DTWD2: variants seen among roughly 807,000 people sequenced by gnomAD.
The protein encoded by DTWD2 is tRNA-uridine aminocarboxypropyltransferase 2.
Under a neutral mutation model 31.8 loss-of-function variants are expected in DTWD2, and 39 were observed. The observed-to-expected ratio is 1.22, with a 90% CI of 0.95 to 1.60. DTWD2 has a LOEUF of 1.60. Ranked by LOEUF, DTWD2 falls within the 40% of genes most tolerant of loss-of-function variation. The pLI is 0.00. For synonymous variants in DTWD2, 180 were observed against 142.8 expected (o/e 1.26, Z -1.86); for missense variants, 515 against 381.5 (o/e 1.35, Z -2.92).
Position 118,944,605 on chromosome 5 carries a change from G to A in DTWD2, c.263C>T (p.Pro88Leu), listed in dbSNP as rs772599283. 13 of 1,613,612 alleles carry A rather than the reference G, an allele frequency of 8.1e-6. 1 individual carries two copies. In the South Asian group the frequency reaches 1.4e-4, roughly 18 times the overall value. ...VCLCPFLPAHPLHISTHLYII... is the reference protein window; with the variant it reads ...VCLCPFLPAHLLHISTHLYII... ...GTACAAGTGGGTAGAGATATGCAGA[G>A]GGTGCGCTGGGAGAAATGGACACAA... is the stretch of plus-strand genomic sequence containing the variant. Residue 88 changes from proline (P) to leucine (L), a missense_variant, in exon 2 of 6, where the codon CCT (proline) becomes CTT (leucine). Pro to Leu is a moderately conservative substitution (Grantham distance 98). Coordinates refer to ENST00000510708, the MANE Select transcript of DTWD2 (RefSeq NM_173666.4).
intron 4 of DTWD2, among the ~76,000 whole-genome samples, chr5:118,892,454 G>A (rs1752995195): frequency 6.6e-6 from 1 of 151,910 alleles, no homozygotes; most frequent in Non-Finnish European, 1.5e-5. Context: ...ACCATAATGA[G>A]GTATGACAGA....
At chr5:118,850,212 C>T (rs1409911734) in intron 4 of DTWD2, among the ~76,000 whole-genome samples, 1 of 150,410 alleles carries the variant, frequency 6.6e-6, no homozygotes, top group Non-Finnish European at 1.5e-5. Flanking sequence ...ACCTGTAATC[C>T]CAGCACTTTG....
chr5:118,922,883 C>T (rs1456759296), intron 4 of DTWD2, among the ~76,000 whole-genome samples: 1 of 152,182 alleles, frequency 6.6e-6, no homozygotes, highest in Admixed American at 6.5e-5. Context: ...CAGGATTCTA[C>T]TCTGGGAAAG....
At chr5:118,912,585 T>C (rs1753480909) in intron 4 of DTWD2, among the ~76,000 whole-genome samples, 1 of 152,204 alleles carries the variant, frequency 6.6e-6, no homozygotes, top group Non-Finnish European at 1.5e-5. Flanking sequence ...TGGAATGTTT[T>C]CCTCAATTTT....
At chr5:118,985,039 T>G (rs963573064) in intron 1 of DTWD2, among the ~76,000 whole-genome samples, 1 of 152,154 alleles carries the variant, frequency 6.6e-6, no homozygotes, top group Non-Finnish European at 1.5e-5. Flanking sequence ...CTTGTTGGGT[T>G]ATAGAGCATT....
At chr5:118,940,888 G>A (rs746228219) in intron 2 of DTWD2, among the ~76,000 whole-genome samples, 1 of 152,144 alleles carries the variant, frequency 6.6e-6, no homozygotes, top group Non-Finnish European at 1.5e-5. Context: ...AACAGTGTTT[G>A]CATCTTCACG....
chr5:118,852,904 T>G (rs189019685), intron 4 of DTWD2, among the ~76,000 whole-genome samples: 30 of 152,224 alleles, frequency 2.0e-4, no homozygotes, highest in African/African-American at 6.7e-4. Flanking sequence ...TGAAATCATG[T>G]CCTTTGCAGC....
At chr5:118,918,431 G>T (rs1388443254) in intron 4 of DTWD2, among the ~76,000 whole-genome samples, 1 of 148,388 alleles carries the variant, frequency 6.7e-6, no homozygotes, top group Non-Finnish European at 1.5e-5. Flanking sequence ...GTGAACACTA[G>T]AGTGAGTGAC....
At chr5:118,843,966 A>C (rs141251829) in intron 5 of DTWD2, among the ~76,000 whole-genome samples, 5 of 152,346 alleles carry the variant, frequency 3.3e-5, no homozygotes, top group African/African-American at 1.2e-4. Context: ...AGAAGCATTA[A>C]AAGTGGTATA....
intron 4 of DTWD2, among the ~76,000 whole-genome samples, chr5:118,925,995 C>T (rs776543339): frequency 2.0e-5 from 3 of 151,882 alleles, no homozygotes; most frequent in Non-Finnish European, 4.4e-5. Flanking sequence ...TTTGGGAAGC[C>T]GAGGTAGGGA....
At chr5:118,892,035 T>A (rs2149560661) in intron 4 of DTWD2, among the ~76,000 whole-genome samples, 1 of 152,314 alleles carries the variant, frequency 6.6e-6, no homozygotes, top group East Asian at 1.9e-4. Context: ...TAATATTTTA[T>A]TTAACCTAAC....
intron 3 of DTWD2, among the ~76,000 whole-genome samples, chr5:118,933,486 G>A (rs1019634907): frequency 6.6e-6 from 1 of 152,094 alleles, no homozygotes; most frequent in African/African-American, 2.4e-5. Flanking sequence ...AGGGATGGAA[G>A]GTTGGTTTAA....
intron 1 of DTWD2, among the ~76,000 whole-genome samples, chr5:118,978,471 T>C (rs1465457385): frequency 2.6e-5 from 4 of 152,150 alleles, no homozygotes; most frequent in Non-Finnish European, 4.4e-5. Context: ...CTTGGCAATC[T>C]ACCCATCTGA....
At position 118,961,497 on chromosome 5, in the gene DTWD2, T is replaced by C. The variant is rs565772001; in HGVS notation, c.219-16848A>G. ...AATCATTTTTGTATTATCCCAGCTGTGCATTTCCTGGGTACTAGATATTGA... is the reference window on the plus strand; with the variant it reads ...AATCATTTTTGTATTATCCCAGCTGCGCATTTCCTGGGTACTAGATATTGA... On this transcript the variant is annotated intron_variant, in intron 1 of 5. Coordinates refer to ENST00000510708, the MANE Select transcript of DTWD2 (RefSeq NM_173666.4). Among the ~76,000 whole-genome samples the C allele has an allele frequency of 2.0e-4, 31 of 152,086 alleles. 1 individual carries two copies. The South Asian group carries it at 6.2e-3, about 30-fold the overall frequency.
intron 1 of DTWD2, among the ~76,000 whole-genome samples, chr5:118,946,001 G>A (rs1450771497): frequency 6.6e-6 from 1 of 152,140 alleles, no homozygotes; most frequent in African/African-American, 2.4e-5. Context: ...TTTAGACTGA[G>A]ATTAAGAAAT....
In DTWD2 at chr5:118,988,430, C is replaced by T. The variant is rs761111284; in HGVS notation, c.82G>A (p.Asp28Asn). The T allele has an allele frequency of 1.2e-6, 2 of 1,607,264 alleles. No individual in the cohort carries two copies. Among genetic ancestry groups the T allele is most frequent in the Non-Finnish European group, 1.7e-6 (2 of 1,178,280 alleles). ...SGASSSQTPN[D>N]KERREGGAVP... ...GCGCCGCCCTCCCGCCGCTCCTTGT[C>T]GTTCGGCGTCTGAGAGCTTGAGGCC... The change falls in exon 1 of 6, where the codon GAC becomes AAC. Residue 28 changes from aspartate to asparagine, a missense_variant. Transcript: ENST00000510708.
chr5:118,889,510 C>G (rs1463409703), intron 4 of DTWD2, among the ~76,000 whole-genome samples: 1 of 151,976 alleles, frequency 6.6e-6, no homozygotes, highest in Non-Finnish European at 1.5e-5. Context: ...ATACTTATCA[C>G]ATATCTAACA....
At chr5:118,875,452 G>A (rs1752598545) in intron 4 of DTWD2, among the ~76,000 whole-genome samples, 1 of 149,508 alleles carries the variant, frequency 6.7e-6, no homozygotes. Context: ...TTGTCTTCAA[G>A]AGACCATCTC....
chr5:118,850,008 T>C (rs1411207031), intron 4 of DTWD2, among the ~76,000 whole-genome samples: 1 of 149,496 alleles, frequency 6.7e-6, no homozygotes, highest in Admixed American at 6.7e-5. Flanking sequence ...TCCCAGAACT[T>C]AGAGCATAAT....
Sources: gnomAD v4.1 joint callset for allele counts (sites outside exome capture counted in the v4.1 genomes callset) on GRCh38, gnomAD v4.1.1 for gene constraint, MANE v1.5 for transcripts, NCBI Gene and HGNC (gene_info 2026-07-23, HGNC 2026-07-21) for gene names.